TRPC5: variants seen among roughly 807,000 people sequenced by gnomAD.
TRPC5 encodes short transient receptor potential channel 5.
Under a neutral mutation model 56.5 loss-of-function variants are expected in TRPC5, and 9 were observed. The observed-to-expected ratio is 0.16, with a 90% confidence interval of 0.10 to 0.28. The LOEUF (loss-of-function observed/expected upper bound fraction) is 0.28. Among genes scored for constraint, TRPC5 ranks in the 10% least tolerant of loss-of-function variants. The pLI is 1.00. For synonymous variants in TRPC5, 282 were observed against 278.5 expected, an observed-to-expected ratio of 1.01 and a Z score of -0.13; for missense variants, 469 against 748.9, an observed-to-expected ratio of 0.63 and a Z score of 4.36.
chrX:111,911,207 G>A (rs1925807770), intron 3 of TRPC5, among the ~76,000 whole-genome samples: 1 of 112,197 alleles, frequency 8.9e-6, no homozygotes, highest in Non-Finnish European at 1.9e-5. Context: ...TGAAGGAATG[G>A]CACTGCCAGT....
intron 2 of TRPC5, among the ~76,000 whole-genome samples, chrX:111,927,101 C>T (rs111481945): frequency 0.018 from 1,990 of 112,168 alleles, 49 homozygotes; most frequent in African/African-American, 0.06. Context: ...GTTTCTCAAC[C>T]TCAGCATTCT....
intron 3 of TRPC5, among the ~76,000 whole-genome samples, chrX:111,872,725 C>T (rs1036994294): frequency 9.0e-6 from 1 of 111,529 alleles, no homozygotes; most frequent in African/African-American, 3.3e-5. Flanking sequence ...CAAAAGAAAA[C>T]ATACAAGTGG....
intron 3 of TRPC5, among the ~76,000 whole-genome samples, chrX:111,854,929 T>C (rs1482766648): frequency 9.0e-6 from 1 of 111,485 alleles, no homozygotes; most frequent in Non-Finnish European, 1.9e-5. Flanking sequence ...TCAAAGGCAA[T>C]CTACAAAGTG....
intron 1 of TRPC5, among the ~76,000 whole-genome samples, chrX:111,955,183 G>T (rs1459363700): frequency 8.9e-6 from 1 of 112,116 alleles, no homozygotes; most frequent in East Asian, 2.8e-4. Flanking sequence ...AATTAGTCTG[G>T]TCTATGTAAT....
intron 3 of TRPC5, among the ~76,000 whole-genome samples, chrX:111,904,498 T>G (rs762664917): frequency 1.8e-5 from 2 of 110,433 alleles, no homozygotes. Context: ...ATGGATGGAG[T>G]TGGAAGCTAT....
At chrX:112,080,217 T>C (rs1428415071) in intron 1 of TRPC5, among the ~76,000 whole-genome samples, 2 of 111,588 alleles carry the variant, frequency 1.8e-5, no homozygotes, top group African/African-American at 3.3e-5. Flanking sequence ...AATCCGTTTC[T>C]CTTATTTGCT....
chrX:112,079,690 A>C (rs1295159126), intron 1 of TRPC5, among the ~76,000 whole-genome samples: 2 of 111,475 alleles, frequency 1.8e-5, no homozygotes, highest in Non-Finnish European at 3.8e-5. Context: ...TTCCGGTTTT[A>C]GTTGTTAGCT....
rs1234106952 is a variant in TRPC5, at chrX:111,792,269, GAC to G, written c.1897-10133_1897-10132del. The stretch of plus-strand genomic sequence containing the variant: ...GGGAGTTGAACAATGAGAACACATG[GAC>G]ACAGAGAGGGGAACATCACATACCA... On this transcript the variant is annotated intron_variant, in intron 7 of 10. Coordinates refer to ENST00000262839, the MANE Select transcript of TRPC5 (RefSeq NM_012471.3). Among the ~76,000 whole-genome samples the G allele has an allele frequency of 3.6e-5, 4 of 110,434 alleles. No homozygotes were observed. The East Asian group carries it at 1.2e-3, about 32-fold the overall frequency.
At chrX:111,837,383 A>G (rs1464906747) in intron 6 of TRPC5, among the ~76,000 whole-genome samples, 1 of 111,753 alleles carries the variant, frequency 8.9e-6, no homozygotes, top group Non-Finnish European at 1.9e-5. Context: ...GCAGGAGGCC[A>G]GCAGTAAATA....
At chrX:111,870,275 G>C in intron 3 of TRPC5, among the ~76,000 whole-genome samples, 1 of 111,708 alleles carries the variant, frequency 9.0e-6, no homozygotes, top group Non-Finnish European at 1.9e-5. Context: ...GTAATATGCT[G>C]TCTATGCCAT....
At chrX:111,967,797 C>A (rs147114704) in intron 1 of TRPC5, among the ~76,000 whole-genome samples, 15,452 of 111,156 alleles carry the variant, frequency 0.14, 2,148 homozygotes, top group African/African-American at 0.43. Flanking sequence ...TGGATCCCTT[C>A]CTTACACCTT....
chrX:111,824,856 C>G (rs947317778), intron 7 of TRPC5, among the ~76,000 whole-genome samples: 1 of 111,947 alleles, frequency 8.9e-6, no homozygotes, highest in Non-Finnish European at 1.9e-5. Context: ...AAGACTGAAG[C>G]CAATCCTTAC....
At chrX:111,910,692 C>A (rs1354921934) in intron 3 of TRPC5, among the ~76,000 whole-genome samples, 2 of 111,296 alleles carry the variant, frequency 1.8e-5, no homozygotes, top group Non-Finnish European at 3.8e-5. Flanking sequence ...CCACCACGCC[C>A]AGCTAATTTT....
At chrX:111,805,026 C>T (rs1376153287) in intron 7 of TRPC5, among the ~76,000 whole-genome samples, 1 of 111,863 alleles carries the variant, frequency 8.9e-6, no homozygotes, top group Non-Finnish European at 1.9e-5. Flanking sequence ...TATGTTCCAT[C>T]AATACCTAGT....
chrX:111,786,333 A>G (rs1371443933), intron 7 of TRPC5, among the ~76,000 whole-genome samples: 1 of 111,521 alleles, frequency 9.0e-6, no homozygotes, highest in Non-Finnish European at 1.9e-5. Flanking sequence ...TAAGTGAAGC[A>G]GAAATAAAAT....
Position 111,774,508 on chromosome X carries a change from A to T in TRPC5, c.*1805T>A, listed in dbSNP as rs1031496257. 1 of 111,648 alleles carries T rather than the reference A, an allele frequency of 9.0e-6. No individual in the cohort carries two copies. The highest frequency in any genetic ancestry group is 3.3e-5 in the African/African-American group (1 of 30,724). The allele number at this position is 111,648 out of a possible 1,213,427, so 9.2% of individuals were successfully genotyped here. On this transcript the variant is annotated 3_prime_UTR_variant, in exon 11 of 11. Transcript: ENST00000262839. ...ATTTGAGTAAATAACCACTTCAGAT[A>T]TGATCAAGGAATTATTTTCGGACAA...
At chrX:111,999,486 T>A (rs1928638953) in intron 1 of TRPC5, among the ~76,000 whole-genome samples, 1 of 112,048 alleles carries the variant, frequency 8.9e-6, no homozygotes, top group African/African-American at 3.2e-5. Flanking sequence ...CCTTTGTGTA[T>A]ATGTACCATA....
chrX:111,915,057 CTCTT>C, intron 2 of TRPC5, among the ~76,000 whole-genome samples: 1 of 88,850 alleles, frequency 1.1e-5, no homozygotes, highest in South Asian at 4.4e-4. Flanking sequence ...TTTCCTCGCT[CTCTT>C]TCTCTCTCTC....
chrX:111,799,986 C>G (rs1306573257), intron 7 of TRPC5, among the ~76,000 whole-genome samples: 1 of 112,132 alleles, frequency 8.9e-6, no homozygotes, highest in Non-Finnish European at 1.9e-5. Flanking sequence ...TTATTCAAGA[C>G]TACTTTTGAC....
Sources: allele counts gnomAD v4.1 joint callset (sites outside exome capture counted in the v4.1 genomes callset), GRCh38; gene constraint gnomAD v4.1.1; transcripts MANE v1.5; gene names NCBI Gene and HGNC (gene_info 2026-07-23, HGNC 2026-07-21).